Variants in TNR observed in about 807,000 individuals in gnomAD.
TNR encodes the protein tenascin R.
In TNR, 45 loss-of-function variants were observed where a neutral mutation model predicts 150.4. That is an observed-to-expected ratio of 0.30 (90% CI 0.24 to 0.38). The LOEUF is 0.38. Among genes scored for constraint, TNR ranks in the 10% least tolerant of loss-of-function variants. The probability of loss-of-function intolerance (pLI) is 1.00; values close to 1 mark genes in which losing one functional copy is unlikely to be tolerated. For synonymous variants in TNR, 687 were observed against 678.4 expected, an observed-to-expected ratio of 1.01 and a Z score of -0.20; for missense variants, 1,544 against 1,759.1, an observed-to-expected ratio of 0.88 and a Z score of 2.19.
intron 2 of TNR, among the ~76,000 whole-genome samples, chr1:175,485,142 A>C (rs901844328): frequency 1.3e-5 from 2 of 152,196 alleles, no homozygotes; most frequent in Non-Finnish European, 1.5e-5. Context: ...GTCTGAATAA[A>C]TTAGACTGAT....
chr1:175,620,930 T>C (rs2101864404), intron 1 of TNR, among the ~76,000 whole-genome samples: 1 of 152,362 alleles, frequency 6.6e-6, no homozygotes. Flanking sequence ...CCAGTTGGGC[T>C]GGCCCCTGAC....
At chr1:175,656,391 C>T (rs185743656) in intron 1 of TNR, among the ~76,000 whole-genome samples, 84 of 152,254 alleles carry the variant, frequency 5.5e-4, no homozygotes, top group African/African-American at 1.9e-3. Flanking sequence ...TCCTACTGAC[C>T]GGACCTGGGT....
rs1204588143 is a variant in TNR at position 175,510,488 on chromosome 1, G to A, written c.-64+17781C>T. On this transcript the variant is annotated intron_variant, in intron 2 of 22. Coordinates refer to ENST00000367674, the MANE Select transcript of TNR (RefSeq NM_003285.3). ...TCCCCCATGGCCTTTCCTGGTGAGA[G>A]TCAGCACCATCATTATTGTTTCCTA... 2.6e-5 allele frequency among the ~76,000 whole-genome samples: 4 copies of A among 152,170 alleles called. No individual in the cohort carries two copies. The East Asian group carries it at 7.7e-4, about 29-fold the overall frequency.
chr1:175,362,209 G>T (rs1325020984), intron 14 of TNR, among the ~76,000 whole-genome samples: 1 of 152,104 alleles, frequency 6.6e-6, no homozygotes, highest in Non-Finnish European at 1.5e-5. Context: ...TCTCCCTGGA[G>T]CACAAAGCAA....
At chr1:175,709,757 C>G (rs1400591778) in intron 1 of TNR, among the ~76,000 whole-genome samples, 1 of 152,054 alleles carries the variant, frequency 6.6e-6, no homozygotes, top group Non-Finnish European at 1.5e-5. Flanking sequence ...CCCTTCTTGG[C>G]CTCTTCGCAG....
Position 175,386,138 on chromosome 1 carries a change from G to A in TNR, c.1671C>T (p.Ser557=). 1 of 1,613,234 alleles carries A rather than the reference G, an allele frequency of 6.2e-7. No homozygotes were observed. The highest frequency in any genetic ancestry group is 1.1e-5 in the South Asian group (1 of 91,038). The change falls in exon 8 of 23, where the codon AGC becomes AGT. Residue 557 remains serine (S), a synonymous_variant. Coordinates refer to ENST00000367674, the MANE Select transcript of TNR (RefSeq NM_003285.3). ...GCCGCAGGGCCTGCACTGAGTATTG[G>A]CTCAGGGGAGGCTGCAGCCGGAAGG... is the stretch of plus-strand genomic sequence containing the variant. ...RTTFRLQPPL[S]QYSVQALRPG...
intron 1 of TNR, among the ~76,000 whole-genome samples, chr1:175,658,259 C>T (rs2057453): frequency 0.46 from 69,506 of 151,858 alleles, 17,047 homozygotes; most frequent in Admixed American, 0.58. Context: ...GAATGAGGTG[C>T]TACTTTCCTT....
rs1650213333 is a variant in TNR at position 175,335,746 on chromosome 1, A to T, written c.3596T>A (p.Val1199Asp). The change falls in exon 20 of 23, where the codon GTT becomes GAT. Residue 1199 changes from valine (V) to aspartate (D), a missense_variant. Physicochemically the swap from Val to Asp is radical, Grantham distance 152. Around this residue, in one of 2 missense-constraint regions of TNR, gnomAD observed 290 missense variants for 429.7 expected, o/e 0.67. Coordinates refer to ENST00000367674, the MANE Select transcript of TNR (RefSeq NM_003285.3). ...CTCATCCTCCACGTTCCCGAAGCCA[A>T]CACGGTAATCAGCCCATTTCCGGAA... is the stretch of plus-strand genomic sequence containing the variant. ...DFFRKWADYR[V>D]GFGNVEDEFW... The T allele has an allele frequency of 6.2e-7, 1 of 1,614,110 alleles. No individual in the cohort carries two copies. The highest frequency in any genetic ancestry group is 8.5e-7 in the Non-Finnish European group (1 of 1,180,034).
chr1:175,513,540 C>T (rs556797070), intron 2 of TNR, among the ~76,000 whole-genome samples: 4 of 152,140 alleles, frequency 2.6e-5, no homozygotes, highest in African/African-American at 4.8e-5. Flanking sequence ...AGTGCTGCTG[C>T]GACTGGGTAG....
At chr1:175,603,398 A>G (rs1663311677) in intron 1 of TNR, among the ~76,000 whole-genome samples, 1 of 152,218 alleles carries the variant, frequency 6.6e-6, no homozygotes, top group African/African-American at 2.4e-5. Context: ...AAAACTTGAA[A>G]AGATGGCCTG....
At chr1:175,689,215 C>G (rs1666286170) in intron 1 of TNR, among the ~76,000 whole-genome samples, 3 of 152,164 alleles carry the variant, frequency 2.0e-5, no homozygotes, top group Non-Finnish European at 4.4e-5. Context: ...TGTCCTTCAC[C>G]AGGCCACTAT....
intron 1 of TNR, among the ~76,000 whole-genome samples, chr1:175,624,282 G>T (rs1664074380): frequency 6.6e-6 from 1 of 152,158 alleles, no homozygotes. Context: ...TAGAGAGTGT[G>T]TGCTGGGTTG....
intron 1 of TNR, among the ~76,000 whole-genome samples, chr1:175,611,554 C>T (rs1663599078): frequency 6.6e-6 from 1 of 152,072 alleles, no homozygotes; most frequent in South Asian, 2.1e-4. Flanking sequence ...GGCTGTTCTG[C>T]AACTCCTGGC....
chr1:175,683,822 T>C (rs1434751421), intron 1 of TNR, among the ~76,000 whole-genome samples: 1 of 152,228 alleles, frequency 6.6e-6, no homozygotes, highest in Non-Finnish European at 1.5e-5. Flanking sequence ...AGATTCTCAC[T>C]GCCAGCCACC....
At chr1:175,660,390 G>A (rs1665326104) in intron 1 of TNR, among the ~76,000 whole-genome samples, 2 of 152,222 alleles carry the variant, frequency 1.3e-5, no homozygotes, top group South Asian at 2.1e-4. Context: ...TGGGCCCTGC[G>A]AGAAGGTCAC....
chr1:175,400,319 G>T (rs1653645929), intron 4 of TNR, among the ~76,000 whole-genome samples: 1 of 152,182 alleles, frequency 6.6e-6, no homozygotes, highest in Non-Finnish European at 1.5e-5. Flanking sequence ...TAGGAGACCA[G>T]GATTCTTTTT....
chr1:175,657,853 G>GTATATATATATATATATATATATA (rs59315046), intron 1 of TNR, among the ~76,000 whole-genome samples: 7 of 70,478 alleles, frequency 9.9e-5, no homozygotes, highest in Non-Finnish European at 1.4e-4. Flanking sequence ...CATGGAACAT[G>GTATATATATATATATATATATATA]TATATATATA....
At chr1:175,741,770 A>G (rs565936351) in intron 1 of TNR, among the ~76,000 whole-genome samples, 2 of 152,288 alleles carry the variant, frequency 1.3e-5, no homozygotes, top group South Asian at 4.2e-4. Flanking sequence ...GGCAGAGAGT[A>G]TTTTCTTCAT....
At chr1:175,353,172 G>A (rs1651146663) in intron 18 of TNR, among the ~76,000 whole-genome samples, 2 of 151,850 alleles carry the variant, frequency 1.3e-5, no homozygotes. Flanking sequence ...AGAAACATTA[G>A]TAACACAGAC....
Sources: gnomAD v4.1 joint callset for allele counts (sites outside exome capture counted in the v4.1 genomes callset) on GRCh38, gnomAD v4.1.1 for gene constraint, gnomAD v4.1.1 regional missense constraint, MANE v1.5 for transcripts, NCBI Gene and HGNC (gene_info 2026-07-23, HGNC 2026-07-21) for gene names.